Variants in ADCY5 observed in about 807,000 individuals in gnomAD.
ADCY5 encodes adenylate cyclase type 5.
In ADCY5, 30 loss-of-function variants were observed where a neutral mutation model predicts 119.7. That is an observed-to-expected ratio of 0.25 (90% CI 0.19 to 0.34). The LOEUF is 0.34. Ranked by LOEUF, ADCY5 falls within the 10% of genes least tolerant of loss-of-function variation. The pLI is 1.00. For missense variants in ADCY5, 1,324 were observed against 1,775.2 expected, an observed-to-expected ratio of 0.75 and a Z score of 4.57; for synonymous variants, 753 against 762.2, an observed-to-expected ratio of 0.99 and a Z score of 0.20.
chr3:123,318,021 G>A lies in ADCY5; in HGVS notation c.2353C>T (p.His785Tyr), dbSNP rs1169069486. The A allele has an allele frequency of 6.2e-7, 1 of 1,612,886 alleles. No individual in the cohort carries two copies. The highest frequency in any genetic ancestry group is 8.5e-7 in the Non-Finnish European group (1 of 1,179,216). Residue 785 changes from histidine to tyrosine, a missense_variant and splice_region_variant, in exon 11 of 21, where the codon CAC becomes TAC. His to Tyr is a moderately conservative substitution (Grantham distance 83). This residue lies in a region of ADCY5 where 424 missense variants were observed against 546.8 expected (regional missense o/e 0.78). Coordinates refer to ENST00000462833, the MANE Select transcript of ADCY5 (RefSeq NM_183357.3). ...ICFVQITIVP[H>Y]SIFMLSFYLT... Reference sequence around the variant, plus strand: ...CCCAAGAGGGACGGGGATACTCACTGGGGCACGATGGTGATCTGGACAAAG... The same window carrying A: ...CCCAAGAGGGACGGGGATACTCACTAGGGCACGATGGTGATCTGGACAAAG...
At chr3:123,348,830 C>T (rs1942700279) in intron 2 of ADCY5, among the ~76,000 whole-genome samples, 1 of 152,150 alleles carries the variant, frequency 6.6e-6, no homozygotes, top group East Asian at 1.9e-4. Flanking sequence ...TTCGCTCATC[C>T]CCAGCCTTTC....
At chr3:123,378,138 C>G (rs904967994) in intron 1 of ADCY5, among the ~76,000 whole-genome samples, 21 of 152,110 alleles carry the variant, frequency 1.4e-4, no homozygotes, top group African/African-American at 5.1e-4. Flanking sequence ...GCCCAGAAAC[C>G]GTTCCTCTCC....
At chr3:123,360,420 C>T (rs1045613208) in intron 1 of ADCY5, among the ~76,000 whole-genome samples, 1 of 152,144 alleles carries the variant, frequency 6.6e-6, no homozygotes, top group African/African-American at 2.4e-5. Context: ...TCCTGAGGGG[C>T]CTCCAGCCTC....
intron 16 of ADCY5, 120 bp from the exon 17 acceptor site, chr3:123,296,336 C>G: frequency 8.5e-7 from 1 of 1,171,616 alleles, no homozygotes; most frequent in East Asian, 2.6e-5. Flanking sequence ...TTCCCCTCTT[C>G]CTTATCCCCC....
At chr3:123,303,808 G>A (rs573252728) in intron 13 of ADCY5, among the ~76,000 whole-genome samples, 1 of 150,426 alleles carries the variant, frequency 6.6e-6, no homozygotes, top group Non-Finnish European at 1.5e-5. Context: ...CTGGGTGAAA[G>A]AGTAAGACTC....
intron 1 of ADCY5, among the ~76,000 whole-genome samples, chr3:123,391,548 G>A (rs1219300671): frequency 6.6e-6 from 1 of 152,102 alleles, no homozygotes; most frequent in Non-Finnish European, 1.5e-5. Flanking sequence ...CAAGGACACT[G>A]CCTGGGCTGT....
At chr3:123,384,235 C>T (rs994833764) in intron 1 of ADCY5, among the ~76,000 whole-genome samples, 6 of 152,228 alleles carry the variant, frequency 3.9e-5, no homozygotes, top group Admixed American at 1.3e-4. Context: ...CTTTAGCTCA[C>T]AAGTACAGGT....
chr3:123,321,217 C>A (rs1030669853), intron 8 of ADCY5, among the ~76,000 whole-genome samples: 8 of 152,198 alleles, frequency 5.3e-5, no homozygotes, highest in African/African-American at 1.9e-4. Context: ...TTGTGTACAT[C>A]ACACCGAGCA....
intron 6 of ADCY5, 82 bp from the exon 7 acceptor site, chr3:123,327,841 A>G (rs1037191886): frequency 6.6e-6 from 10 of 1,506,308 alleles, no homozygotes; most frequent in Middle Eastern, 1.7e-4. Flanking sequence ...CCAAACTGCA[A>G]TTAGTGGGTT....
chr3:123,359,444 AC>A (rs1468484263), intron 1 of ADCY5, among the ~76,000 whole-genome samples: 3 of 149,506 alleles, frequency 2.0e-5, no homozygotes. Context: ...TTTTCAAACC[AC>A]ACCTGCCCTC....
intron 1 of ADCY5, among the ~76,000 whole-genome samples, chr3:123,365,440 C>T (rs1317919786): frequency 6.6e-6 from 1 of 152,132 alleles, no homozygotes; most frequent in Non-Finnish European, 1.5e-5. Context: ...GGAAATAGCA[C>T]AGACGAGAAG....
At chr3:123,307,266 C>T (rs1191713554) in intron 12 of ADCY5, among the ~76,000 whole-genome samples, 2 of 152,110 alleles carry the variant, frequency 1.3e-5, no homozygotes, top group African/African-American at 4.8e-5. Flanking sequence ...CAATGAAGCT[C>T]TTATTTTTAA....
chr3:123,388,718 A>G (rs1300284252), intron 1 of ADCY5, among the ~76,000 whole-genome samples: 1 of 152,120 alleles, frequency 6.6e-6, no homozygotes, highest in Non-Finnish European at 1.5e-5. Context: ...GAAAGACAAG[A>G]ATGGGAGTGG....
intron 12 of ADCY5, among the ~76,000 whole-genome samples, chr3:123,307,678 T>C (rs1384482326): frequency 2.0e-5 from 3 of 152,164 alleles, no homozygotes; most frequent in African/African-American, 7.2e-5. Flanking sequence ...CTATTTGCCC[T>C]ATGTTGTTTA....
intron 3 of ADCY5, among the ~76,000 whole-genome samples, chr3:123,334,234 G>C (rs927070883): frequency 6.6e-6 from 1 of 152,156 alleles, no homozygotes; most frequent in Non-Finnish European, 1.5e-5. Context: ...CCCTGCAAGT[G>C]AGGGGTCAGT....
At chr3:123,364,183 T>C (rs1015662081) in intron 1 of ADCY5, among the ~76,000 whole-genome samples, 4 of 152,168 alleles carry the variant, frequency 2.6e-5, no homozygotes, top group African/African-American at 9.7e-5. Flanking sequence ...TACTCTCCAA[T>C]GTTTCTATTG....
intron 17 of ADCY5, among the ~76,000 whole-genome samples, chr3:123,291,708 A>G (rs1378913468): frequency 6.6e-6 from 1 of 152,174 alleles, no homozygotes; most frequent in Non-Finnish European, 1.5e-5. Flanking sequence ...CTGTCTGCCA[A>G]AGGCCAGAAC....
intron 1 of ADCY5, among the ~76,000 whole-genome samples, chr3:123,422,946 G>A (rs924018): frequency 0.97 from 147,665 of 152,300 alleles, 71,760 homozygotes; most frequent in East Asian, 1. Flanking sequence ...ATCTGGACAC[G>A]TGGTACAGAA....
At chr3:123,375,975 T>C (rs1465036180) in intron 1 of ADCY5, among the ~76,000 whole-genome samples, 2 of 145,318 alleles carry the variant, frequency 1.4e-5, no homozygotes. Context: ...ATGGTACTGA[T>C]GGTGATGAGG....
Sources: gnomAD v4.1 joint callset for allele counts (sites outside exome capture counted in the v4.1 genomes callset) on GRCh38, gnomAD v4.1.1 for gene constraint, gnomAD v4.1.1 regional missense constraint, MANE v1.5 for transcripts, NCBI Gene and HGNC (gene_info 2026-07-23, HGNC 2026-07-21) for gene names.